The following SDK1 variants were observed in gnomAD, a reference collection of about 807,000 sequenced individuals.
SDK1 encodes sidekick cell adhesion molecule 1.
A neutral mutation model predicts 245.5 loss-of-function variants in SDK1; 157 were observed. The ratio of observed to expected loss-of-function variants is 0.64; its 90% confidence interval spans 0.56 to 0.73. The LOEUF is 0.73. SDK1 is among the 30% of genes least tolerant of loss of function. The pLI is 0.00. For synonymous variants in SDK1, 1,647 were observed against 1,278.5 expected, an observed-to-expected ratio of 1.29 and a Z score of -6.15; for missense variants, 3,583 against 3,002.3, an observed-to-expected ratio of 1.19 and a Z score of -4.52.
chr7:3,564,060 T>C (rs750387353), intron 1 of SDK1, among the ~76,000 whole-genome samples: 3 of 152,098 alleles, frequency 2.0e-5, no homozygotes, highest in Non-Finnish European at 2.9e-5. Flanking sequence ...TTAAAAGGAC[T>C]TTATAGCTTA....
chr7:4,172,004 A>G (rs1392542253), intron 32 of SDK1, among the ~76,000 whole-genome samples: 1 of 152,214 alleles, frequency 6.6e-6, no homozygotes, highest in East Asian at 1.9e-4. Flanking sequence ...CCCCTGGGCC[A>G]GGAGCGGAGC....
At chr7:3,533,323 G>C (rs1193810831) in intron 1 of SDK1, among the ~76,000 whole-genome samples, 2 of 152,108 alleles carry the variant, frequency 1.3e-5, no homozygotes, top group Admixed American at 6.5e-5. Context: ...TGAAAAGTTG[G>C]ATAAAAAGAC....
intron 1 of SDK1, among the ~76,000 whole-genome samples, chr7:3,360,110 G>C (rs1206994938): frequency 6.6e-6 from 1 of 152,210 alleles, no homozygotes; most frequent in Non-Finnish European, 1.5e-5. Flanking sequence ...ATGGCCTTCA[G>C]CATTCTTAGA....
chr7:3,828,947 G>A (rs1303424858), intron 5 of SDK1, among the ~76,000 whole-genome samples: 6 of 151,964 alleles, frequency 3.9e-5, no homozygotes, highest in Admixed American at 3.9e-4. Context: ...GTGAGCTACT[G>A]AACCCCACCA....
intron 1 of SDK1, among the ~76,000 whole-genome samples, chr7:3,360,158 T>C (rs1162650866): frequency 6.6e-6 from 1 of 152,212 alleles, no homozygotes; most frequent in Non-Finnish European, 1.5e-5. Context: ...ACCACTTTTA[T>C]TAGTTTGCTT....
At position 4,128,700 on chromosome 7, in the gene SDK1, C is replaced by T. The variant is rs1784555173; in HGVS notation, c.3939+1204C>T. Among the ~76,000 whole-genome samples the T allele has an allele frequency of 3.0e-5, 4 of 133,490 alleles. No individual in the cohort carries two copies. The South Asian group carries it at 1.0e-3, about 34-fold the overall frequency. 87.6% of individuals were successfully genotyped at this position (133,490 alleles called of 152,430 possible). Reference sequence around the variant, plus strand: ...ATAGAGCAGCTTGGGGTGGGGTGCCCTGGAATAGAGCAGCTTGGGGTAGGG... The same window carrying T: ...ATAGAGCAGCTTGGGGTGGGGTGCCTTGGAATAGAGCAGCTTGGGGTAGGG... On this transcript the variant is annotated intron_variant, in intron 26 of 44. Coordinates refer to ENST00000404826, the MANE Select transcript of SDK1 (RefSeq NM_152744.4).
chr7:3,821,209 T>C (rs1779637320), intron 4 of SDK1, among the ~76,000 whole-genome samples: 1 of 152,204 alleles, frequency 6.6e-6, no homozygotes, highest in South Asian at 2.1e-4. Flanking sequence ...AGTCAGGTGC[T>C]GGCGCAGATG....
intron 2 of SDK1, among the ~76,000 whole-genome samples, chr7:3,625,919 ATTTT>A (rs1203056368): frequency 7.0e-6 from 1 of 142,996 alleles, no homozygotes; most frequent in Non-Finnish European, 1.5e-5. Context: ...AGCCAGAAGG[ATTTT>A]TCTTTCTTTC....
chr7:4,190,728 C>T (rs1239953013), intron 35 of SDK1, among the ~76,000 whole-genome samples: 1 of 152,268 alleles, frequency 6.6e-6, no homozygotes, highest in Admixed American at 6.5e-5. Context: ...GAATTCACGG[C>T]TTCCTTCAGG....
At chr7:3,327,896 A>T (rs1779973853) in intron 1 of SDK1, among the ~76,000 whole-genome samples, 1 of 152,124 alleles carries the variant, frequency 6.6e-6, no homozygotes, top group South Asian at 2.1e-4. Context: ...GGGTGTGTAT[A>T]CCTATAGTTG....
At chr7:4,212,541 T>G (rs1227287840) in intron 38 of SDK1, among the ~76,000 whole-genome samples, 2 of 152,176 alleles carry the variant, frequency 1.3e-5, no homozygotes, top group East Asian at 3.9e-4. Context: ...GTGTGGCCAC[T>G]TCGAGGGGCG....
chr7:3,660,002 G>T (rs1428501356), intron 4 of SDK1, among the ~76,000 whole-genome samples: 5 of 152,162 alleles, frequency 3.3e-5, no homozygotes, highest in African/African-American at 1.2e-4. Context: ...AGTTTGAGAT[G>T]CCCGTGAAGT....
chr7:3,311,055 C>T (rs940499690), intron 1 of SDK1, among the ~76,000 whole-genome samples: 1 of 151,920 alleles, frequency 6.6e-6, no homozygotes, highest in Non-Finnish European at 1.5e-5. Flanking sequence ...CTTTTCTTTT[C>T]CTGTAATATT....
intron 1 of SDK1, among the ~76,000 whole-genome samples, chr7:3,401,456 A>T (rs1225315262): frequency 1.3e-5 from 2 of 152,212 alleles, no homozygotes; most frequent in African/African-American, 2.4e-5. Context: ...GCATCTGTAG[A>T]GTCAAATGGT....
chr7:3,345,764 G>A (rs1431606905), intron 1 of SDK1, among the ~76,000 whole-genome samples: 1 of 152,102 alleles, frequency 6.6e-6, no homozygotes, highest in East Asian at 1.9e-4. Context: ...CTCCTCAGTA[G>A]TAAATAATGT....
In SDK1 at chr7:3,381,111, A is replaced by G. The variant is rs562266054; in HGVS notation, c.298+79227A>G. Among the ~76,000 whole-genome samples, 2 of 152,144 alleles carry G rather than the reference A, an allele frequency of 1.3e-5. 1 individual carries two copies. Among genetic ancestry groups the G allele is most frequent in the Non-Finnish European group, 2.9e-5 (2 of 68,024 alleles). ...GTCAAGAGTGTGATTAACATTACTC[A>G]GGGGGAGTATACAGAGTAAGAAGAG... On this transcript the variant is annotated intron_variant, in intron 1 of 44. Coordinates refer to ENST00000404826, the MANE Select transcript of SDK1 (RefSeq NM_152744.4).
At chr7:3,761,261 T>C (rs1029403825) in intron 4 of SDK1, among the ~76,000 whole-genome samples, 3 of 30,354 alleles carry the variant, frequency 9.9e-5, no homozygotes, top group African/African-American at 3.2e-4. Flanking sequence ...CCCCCCCTCC[T>C]TTTTTTTTTT....
At chr7:3,513,872 G>A (rs1782654647) in intron 1 of SDK1, among the ~76,000 whole-genome samples, 1 of 152,112 alleles carries the variant, frequency 6.6e-6, no homozygotes. Context: ...TTATACGTAA[G>A]GATATGTGGT....
At chr7:3,414,585 A>AC (rs1191459534) in intron 1 of SDK1, among the ~76,000 whole-genome samples, 2 of 152,198 alleles carry the variant, frequency 1.3e-5, no homozygotes, top group African/African-American at 2.4e-5. Context: ...TTTTTGTGAA[A>AC]CTTTGAGAGA....
Sources: gnomAD v4.1 joint callset for allele counts (sites outside exome capture counted in the v4.1 genomes callset) on GRCh38, gnomAD v4.1.1 for gene constraint, MANE v1.5 for transcripts, NCBI Gene and HGNC (gene_info 2026-07-23, HGNC 2026-07-21) for gene names.